The following CSPP1 variants were observed in gnomAD, a reference collection of about 807,000 sequenced individuals.
The protein encoded by CSPP1 is centrosome and spindle pole associated protein 1, also known as centrosome and spindle pole-associated protein 1.
CSPP1 carries 126 observed loss-of-function variants against 164.4 expected under a neutral mutation model. The ratio of observed to expected loss-of-function variants is 0.77; its 90% confidence interval spans 0.66 to 0.89. The LOEUF is 0.89. CSPP1 is among the 40% of genes least tolerant of loss of function. The pLI, the probability that CSPP1 is intolerant of heterozygous loss-of-function variation, is 0.00. For synonymous variants in CSPP1, 472 were observed against 476.7 expected (o/e 0.99, Z 0.13); for missense variants, 1,395 against 1,449.8 (o/e 0.96, Z 0.61).
intron 15 of CSPP1, among the ~76,000 whole-genome samples, chr8:67,127,384 A>T (rs148402717): frequency 3.9e-5 from 6 of 152,234 alleles, no homozygotes; most frequent in African/African-American, 1.2e-4. Context: ...TGGTAGAGAG[A>T]GCAAGGTCTC....
chr8:67,152,973 G>A (rs761593854), intron 18 of CSPP1, among the ~76,000 whole-genome samples: 2 of 152,110 alleles, frequency 1.3e-5, no homozygotes, highest in Admixed American at 6.5e-5. Context: ...CGAGGCGGGC[G>A]GATCATCTGA....
chr8:67,145,902 C>T (rs182686956), intron 17 of CSPP1, among the ~76,000 whole-genome samples: 2 of 152,230 alleles, frequency 1.3e-5, no homozygotes, highest in East Asian at 3.9e-4. Flanking sequence ...AAGTGTGCTA[C>T]ACATTTCCCT....
rs1827123471 is a variant in CSPP1, at chr8:67,158,603, C to G, written c.2391+7C>G. ...AAGAGAGAAAGAGGAGGAGGTACAT[C>G]TTTTTTCCCTATTGTATTTTACTAC... On this transcript the variant is annotated splice_region_variant and intron_variant, in intron 20 of 30. Transcript: ENST00000678616. 3 of 1,569,920 alleles carry G rather than the reference C, an allele frequency of 1.9e-6. No homozygotes were observed. Among genetic ancestry groups the G allele is most frequent in the Non-Finnish European group, 2.6e-6 (3 of 1,159,686 alleles).
intron 24 of CSPP1, among the ~76,000 whole-genome samples, chr8:67,171,895 C>T (rs1205423989): frequency 2.8e-5 from 4 of 142,960 alleles, no homozygotes; most frequent in Middle Eastern, 4.4e-3. Context: ...TCACCCAGGC[C>T]GGAGTGCAGT....
rs1225292149 is a variant in CSPP1 at position 67,196,592 on chromosome 8, C to A, written c.*999C>A. On this transcript the variant is annotated 3_prime_UTR_variant, in exon 31 of 31. Coordinates refer to ENST00000678616, the MANE Select transcript of CSPP1 (RefSeq NM_001382391.1). ...TAGACAATATCAGACAAATTTGCCA[C>A]AATTAAATTACTGATATTTTGAGTT... Among the ~76,000 whole-genome samples the A allele has an allele frequency of 6.6e-6, 1 of 152,172 alleles. No individual in the cohort carries two copies. Among genetic ancestry groups the A allele is most frequent in the African/African-American group, 2.4e-5 (1 of 41,426 alleles).
At chr8:67,150,643 C>T (rs1302160190) in intron 18 of CSPP1, among the ~76,000 whole-genome samples, 2 of 152,166 alleles carry the variant, frequency 1.3e-5, no homozygotes, top group Non-Finnish European at 2.9e-5. Context: ...CCTTGTGATC[C>T]ATCCGCCTCC....
chr8:67,149,461 G>A (rs1825259660), intron 17 of CSPP1, among the ~76,000 whole-genome samples: 1 of 152,044 alleles, frequency 6.6e-6, no homozygotes, highest in South Asian at 2.1e-4. Context: ...GTTTTAAATT[G>A]TTGCTATATT....
chr8:67,180,023 TAAAAA>T, intron 28 of CSPP1, 97 bp downstream of exon 28: 1 of 472,980 alleles, frequency 2.1e-6, no homozygotes, highest in Non-Finnish European at 3.6e-6. Flanking sequence ...TACAAGGTAG[TAAAAA>T]AAAAAAAAGG....
At chr8:67,132,236 G>A (rs986748137) in intron 16 of CSPP1, among the ~76,000 whole-genome samples, 156 bp downstream of exon 16, 3 of 152,182 alleles carry the variant, frequency 2.0e-5, no homozygotes, top group Non-Finnish European at 4.4e-5. Context: ...GCTGTTGGAA[G>A]CATAAGATAG....
At chr8:67,123,423 T>C (rs1463263726) in intron 15 of CSPP1, among the ~76,000 whole-genome samples, 2 of 152,180 alleles carry the variant, frequency 1.3e-5, no homozygotes, top group East Asian at 3.8e-4. Context: ...TTTAGTACTG[T>C]TTGCATGGTG....
At chr8:67,168,272 CAGAGGGAGACCGTGGAAAGAGAGGG>C (rs1829846153) in intron 24 of CSPP1, among the ~76,000 whole-genome samples, 1 of 136,464 alleles carries the variant, frequency 7.3e-6, no homozygotes, top group Non-Finnish European at 1.5e-5. Context: ...GGCTCGGCAT[CAGAGGGAGACCGTGGAAAGAGAGGG>C]AGAGGGAGGC....
At chr8:67,147,852 C>A (rs1436652655) in intron 17 of CSPP1, among the ~76,000 whole-genome samples, 1 of 152,188 alleles carries the variant, frequency 6.6e-6, no homozygotes, top group East Asian at 1.9e-4. Flanking sequence ...ATCTCTTTTA[C>A]TCCTGTGTTA....
At chr8:67,175,880 A>G (rs1374232259) in intron 26 of CSPP1, among the ~76,000 whole-genome samples, 1 of 152,216 alleles carries the variant, frequency 6.6e-6, no homozygotes, top group Non-Finnish European at 1.5e-5. Flanking sequence ...AGACTGGACT[A>G]TGAATATGTT....
intron 1 of CSPP1, among the ~76,000 whole-genome samples, chr8:67,070,397 A>C (rs1806480766): frequency 6.7e-6 from 1 of 149,356 alleles, no homozygotes; most frequent in Admixed American, 6.8e-5. Context: ...CGGGAGGTGG[A>C]GCTTGCAGTG....
intron 4 of CSPP1, among the ~76,000 whole-genome samples, chr8:67,089,087 A>T (rs940158999): frequency 6.6e-6 from 1 of 151,754 alleles, no homozygotes; most frequent in Admixed American, 6.6e-5. Context: ...TCCAAGTCCC[A>T]CTCATATCTC....
chr8:67,159,896 CTT>C (rs1278384603), intron 21 of CSPP1, among the ~76,000 whole-genome samples: 1 of 67,188 alleles, frequency 1.5e-5, no homozygotes. Flanking sequence ...TTCTTTCTTT[CTT>C]TCTTTCTTTC....
At chr8:67,164,751 A>G (rs959356766) in intron 24 of CSPP1, among the ~76,000 whole-genome samples, 58 of 152,316 alleles carry the variant, frequency 3.8e-4, no homozygotes, top group African/African-American at 1.3e-3. Context: ...ACTGTTTTTT[A>G]TATTTTCCAT....
intron 29 of CSPP1, among the ~76,000 whole-genome samples, chr8:67,193,207 C>T (rs1429471792): frequency 6.6e-6 from 1 of 152,150 alleles, no homozygotes; most frequent in Non-Finnish European, 1.5e-5. Context: ...GCCTCCACCT[C>T]CTGCCTCAGC....
At chr8:67,140,169 C>T (rs1373577734) in intron 17 of CSPP1, among the ~76,000 whole-genome samples, 2 of 152,178 alleles carry the variant, frequency 1.3e-5, no homozygotes, top group Non-Finnish European at 2.9e-5. Flanking sequence ...ACTGCAACCT[C>T]TGCCTCCAGG....
Sources: gnomAD v4.1 joint callset for allele counts (sites outside exome capture counted in the v4.1 genomes callset) on GRCh38, gnomAD v4.1.1 for gene constraint, MANE v1.5 for transcripts, NCBI Gene and HGNC (gene_info 2026-07-23, HGNC 2026-07-21) for gene names.